QSER1: variants seen among roughly 807,000 people sequenced by gnomAD.
QSER1 encodes the protein glutamine and serine rich 1.
QSER1 carries 49 observed loss-of-function variants against 158.5 expected under a neutral mutation model. The ratio of observed to expected loss-of-function variants is 0.31; its 90% CI spans 0.25 to 0.39. The LOEUF (loss-of-function observed/expected upper bound fraction) is 0.39. Ranked by LOEUF, QSER1 falls within the 10% of genes least tolerant of loss-of-function variation. The pLI is 1.00. For synonymous variants in QSER1, 650 were observed against 715.5 expected, an observed-to-expected ratio of 0.91 and a Z score of 1.46; for missense variants, 1,754 against 2,010.3, an observed-to-expected ratio of 0.87 and a Z score of 2.44.
At chr11:32,951,473 TCA>T (rs1852420374) in intron 4 of QSER1, among the ~76,000 whole-genome samples, 1 of 152,212 alleles carries the variant, frequency 6.6e-6, no homozygotes, top group Non-Finnish European at 1.5e-5. Context: ...AAAATGAAGC[TCA>T]GATTTTTATA....
chr11:32,934,109 G>A lies in QSER1; in HGVS notation c.2851G>A (p.Asp951Asn). 5.6e-6 allele frequency: 9 copies of A among 1,613,884 alleles called. No individual in the cohort carries two copies. Among genetic ancestry groups the A allele is most frequent in the Middle Eastern group, 1.6e-4 (1 of 6,062 alleles). ...CCATTTTAGTGAAACAAATCAACAT[G>A]ATTCAAAGAATCAGTTTGTTTCTCT... is the stretch of plus-strand genomic sequence containing the variant. Reference protein sequence around the residue: ...KGHFSETNQHDSKNQFVSLGS... With the variant: ...KGHFSETNQHNSKNQFVSLGS... The change falls in exon 4 of 13, where the codon GAT becomes AAT. Residue 951 changes from aspartate to asparagine, a missense_variant. Physicochemically the swap from Asp to Asn is conservative, Grantham distance 23. This residue lies in a region of QSER1 where 1,707 missense variants were observed against 1,919.6 expected (regional missense o/e 0.89). Transcript: ENST00000650167.
At chr11:32,911,544 A>T (rs375246240) in intron 1 of QSER1, among the ~76,000 whole-genome samples, 45 of 152,282 alleles carry the variant, frequency 3.0e-4, no homozygotes, top group African/African-American at 9.9e-4. Flanking sequence ...TGTAATCCCC[A>T]CATGTCAAGG....
intron 1 of QSER1, among the ~76,000 whole-genome samples, chr11:32,911,148 TA>T (rs1436319881): frequency 6.6e-6 from 1 of 152,198 alleles, no homozygotes; most frequent in Non-Finnish European, 1.5e-5. Flanking sequence ...AGTTTTTAGT[TA>T]AACTTTCTTA....
chr11:32,936,828 A>G (rs1852159568), intron 4 of QSER1, among the ~76,000 whole-genome samples: 1 of 152,192 alleles, frequency 6.6e-6, no homozygotes, highest in Non-Finnish European at 1.5e-5. Flanking sequence ...TTTAACTACT[A>G]AAGTGTTACG....
chr11:32,903,179 T>C (rs1851646758), intron 1 of QSER1, among the ~76,000 whole-genome samples: 1 of 152,064 alleles, frequency 6.6e-6, no homozygotes, highest in Non-Finnish European at 1.5e-5. Context: ...AGCATACTTT[T>C]GCCAAAAGTT....
intron 12 of QSER1, 42 bp downstream of exon 12, chr11:32,975,385 T>C (rs1362119308): frequency 1.2e-6 from 2 of 1,601,982 alleles, no homozygotes; most frequent in Non-Finnish European, 8.5e-7. Context: ...TTTTTCAGAA[T>C]GTTAAGGAGA....
At chr11:32,959,453 A>AG (rs1316151316) in intron 8 of QSER1, among the ~76,000 whole-genome samples, 1 of 152,212 alleles carries the variant, frequency 6.6e-6, no homozygotes, top group African/African-American at 2.4e-5. Context: ...GGGATTTATA[A>AG]GGGGGAAACA....
At chr11:32,939,718 A>G (rs1852202012) in intron 4 of QSER1, among the ~76,000 whole-genome samples, 1 of 152,186 alleles carries the variant, frequency 6.6e-6, no homozygotes, top group Non-Finnish European at 1.5e-5. Context: ...CAGTTAGCCT[A>G]GAACTTGGGT....
intron 10 of QSER1, among the ~76,000 whole-genome samples, chr11:32,969,965 G>A (rs899876055): frequency 3.3e-5 from 5 of 152,136 alleles, no homozygotes; most frequent in African/African-American, 7.2e-5. Flanking sequence ...GATTACAGGC[G>A]TGAGCCACTG....
At chr11:32,972,166 G>C (rs1362759651) in intron 10 of QSER1, among the ~76,000 whole-genome samples, 1 of 151,826 alleles carries the variant, frequency 6.6e-6, no homozygotes, top group Non-Finnish European at 1.5e-5. Context: ...GGTTGTAACT[G>C]TTTATAAAAC....
At chr11:32,948,072 G>T (rs185560125) in intron 4 of QSER1, among the ~76,000 whole-genome samples, 1 of 152,264 alleles carries the variant, frequency 6.6e-6, no homozygotes, top group African/African-American at 2.4e-5. Flanking sequence ...TATTCCCTGG[G>T]TACAGTGCAG....
chr11:32,920,146 G>C (rs925259799), intron 1 of QSER1, among the ~76,000 whole-genome samples: 1 of 152,152 alleles, frequency 6.6e-6, no homozygotes, highest in Admixed American at 6.6e-5. Context: ...CTGCTGGAGT[G>C]TCATTGCTTC....
At position 32,976,551 on chromosome 11, in the gene QSER1, C is replaced by T; in HGVS notation, c.*77C>T. The T allele has an allele frequency of 6.7e-7, 1 of 1,489,918 alleles. No individual in the cohort carries two copies. The highest frequency in any genetic ancestry group is 9.2e-7 in the Non-Finnish European group (1 of 1,085,176). The allele number at this position is 1,489,918 out of a possible 1,614,324, so 92.3% of individuals were successfully genotyped here. On this transcript the variant is annotated 3_prime_UTR_variant, in exon 13 of 13. Transcript: ENST00000650167. ...GGGGTGGTCAAAGATAATCAGATGTCAAGTAGTGGCCTTCTGCAGGCCGGC... is the reference window on the plus strand; with the variant it reads ...GGGGTGGTCAAAGATAATCAGATGTTAAGTAGTGGCCTTCTGCAGGCCGGC...
In QSER1 at chr11:32,931,974, C is replaced by G. The variant is rs761031637; in HGVS notation, c.716C>G (p.Pro239Arg). 4.3e-6 allele frequency: 7 copies of G among 1,614,080 alleles called. No homozygotes were observed. The South Asian group carries it at 6.6e-5, about 15-fold the overall frequency. The part of the protein sequence containing the change: ...LQIKTSQGTV[P>R]TALAFERLGS... Reference sequence around the variant, plus strand: ...ATCAAGACTTCCCAGGGAACTGTTCCAACTGCTTTGGCATTTGAGCGCCTG... The same window carrying G: ...ATCAAGACTTCCCAGGGAACTGTTCGAACTGCTTTGGCATTTGAGCGCCTG... Residue 239 changes from proline (P) to arginine (R), a missense_variant, in exon 4 of 13, where the codon CCA becomes CGA. Physicochemically the swap from Pro to Arg is moderately radical, Grantham distance 103. Around this residue, in one of 2 missense-constraint regions of QSER1, gnomAD observed 1,707 missense variants for 1,919.6 expected, o/e 0.89. Transcript: ENST00000650167.
chr11:32,958,073 T>A lies in QSER1; in HGVS notation c.4956T>A (p.Ser1652Arg). Residue 1652 changes from serine to arginine, a missense_variant, in exon 8 of 13, where the codon AGT becomes AGA. Ser to Arg is a moderately radical substitution (Grantham distance 110, BLOSUM62 -1). This residue lies in a region of QSER1 where 1,707 missense variants were observed against 1,919.6 expected (regional missense o/e 0.89). Coordinates refer to ENST00000650167, the MANE Select transcript of QSER1 (RefSeq NM_001076786.3). Reference protein sequence around the residue: ...SDSSPEIHTSSSDDEEFEPPA... With the variant: ...SDSSPEIHTSRSDDEEFEPPA... ...CATCTCCTGAGATCCATACTAGTAGTAGTGACGATGAGGGTGAGTTTTCCG... is the reference window on the plus strand; with the variant it reads ...CATCTCCTGAGATCCATACTAGTAGAAGTGACGATGAGGGTGAGTTTTCCG... 1 of 1,613,676 alleles carries A rather than the reference T, an allele frequency of 6.2e-7. No individual in the cohort carries two copies. The highest frequency in any genetic ancestry group is 8.5e-7 in the Non-Finnish European group (1 of 1,179,690).
In QSER1 at chr11:32,893,073, G is replaced by T. The variant is rs1208651921; in HGVS notation, c.-53G>T. On this transcript the variant is annotated 5_prime_UTR_variant, in exon 1 of 13. Transcript: ENST00000650167. This position sits in a 1 kb window ranked among gnomAD's most constrained non-coding sequence, Gnocchi z 4.7. Reference sequence around the variant, plus strand: ...CTCTCCCTGCCCGCCCCCGTCACACGGAGCCCTGGAGGATCCCCCGCTGCT... The same window carrying T: ...CTCTCCCTGCCCGCCCCCGTCACACTGAGCCCTGGAGGATCCCCCGCTGCT... The T allele has an allele frequency of 3.9e-5, 2 of 51,848 alleles. No homozygotes were observed. Among genetic ancestry groups the T allele is most frequent in the Non-Finnish European group, 7.3e-5 (2 of 27,438 alleles). The allele number at this position is 51,848 out of a possible 1,614,324, so 3.2% of individuals were successfully genotyped here.
intron 1 of QSER1, among the ~76,000 whole-genome samples, chr11:32,894,647 AAG>A (rs1209671765): frequency 2.0e-5 from 3 of 152,238 alleles, no homozygotes. Flanking sequence ...ACGATTGTGA[AAG>A]AATGAGAAAA....
intron 12 of QSER1, 31 bp from the exon 13 acceptor site, chr11:32,976,303 A>G: frequency 1.3e-6 from 2 of 1,556,500 alleles, no homozygotes; most frequent in Non-Finnish European, 1.7e-6. Context: ...TGTGATAAGT[A>G]TAAGCTAATT....
chr11:32,966,204 T>G, intron 8 of QSER1, 96 bp from the exon 9 acceptor site: 1 of 1,314,538 alleles, frequency 7.6e-7, no homozygotes, highest in Non-Finnish European at 1.1e-6. Context: ...GAAGAAATTG[T>G]ATCTGCAATC....
Sources: allele counts gnomAD v4.1 joint callset (sites outside exome capture counted in the v4.1 genomes callset), GRCh38; gene constraint gnomAD v4.1.1; regional missense constraint gnomAD v4.1.1; non-coding constraint Gnocchi (gnomAD v3.1); transcripts MANE v1.5; gene names NCBI Gene and HGNC (gene_info 2026-07-23, HGNC 2026-07-21).